CHD9: variants seen among roughly 807,000 people sequenced by gnomAD.
The protein encoded by CHD9 is chromodomain helicase DNA binding protein 9.
Under a neutral mutation model 316.1 loss-of-function variants are expected in CHD9, and 77 were observed. That is an observed-to-expected ratio of 0.24 (90% CI 0.20 to 0.29). The LOEUF is 0.29. Ranked by LOEUF, CHD9 falls within the 10% of genes least tolerant of loss-of-function variation. CHD9 has a pLI of 1.00. For synonymous variants in CHD9, 1,129 were observed against 1,158.3 expected (o/e 0.97, Z 0.51); for missense variants, 2,763 against 3,438.1 (o/e 0.80, Z 4.91).
rs867554879 is a variant in CHD9 at position 53,081,767 on chromosome 16, T to A, written c.-165+26690T>A. 1.1e-3 allele frequency among the ~76,000 whole-genome samples: 73 copies of A among 64,050 alleles called. 1 individual carries two copies. The highest frequency in any genetic ancestry group is 6.6e-3 in the Middle Eastern group (1 of 152). 42.0% of individuals were successfully genotyped at this position (64,050 alleles called of 152,430 possible). A position where few individuals can be genotyped will look rare whatever the true frequency, so the allele number is the denominator to read the frequency against. ...CATGCTTGGCTAATTAAAAAAAAAT[T>A]TTTTTTTGTAGAGATGGTGTTTCAC... On this transcript the variant is annotated intron_variant, in intron 1 of 38. Transcript: ENST00000447540.
At chr16:53,130,588 G>A (rs2039190489) in intron 1 of CHD9, among the ~76,000 whole-genome samples, 1 of 150,192 alleles carries the variant, frequency 6.7e-6, no homozygotes, top group South Asian at 2.1e-4. Context: ...CCCGCGCTCC[G>A]GCCAGAGGGC....
At chr16:53,134,681 A>C (rs1212911650) in intron 1 of CHD9, among the ~76,000 whole-genome samples, 1 of 152,204 alleles carries the variant, frequency 6.6e-6, no homozygotes, top group East Asian at 1.9e-4. Context: ...TTCAGAAACA[A>C]TTTTTATTCC....
At chr16:53,318,642 A>G (rs2057052652) in intron 37 of CHD9, among the ~76,000 whole-genome samples, 1 of 152,176 alleles carries the variant, frequency 6.6e-6, no homozygotes, top group African/African-American at 2.4e-5. Context: ...CATCGGGGTG[A>G]TTTCACCTCT....
chr16:53,307,998 G>C, intron 33 of CHD9, 45 bp downstream of exon 33: 1 of 1,504,662 alleles, frequency 6.6e-7, no homozygotes, highest in Non-Finnish European at 8.9e-7. Flanking sequence ...CGATTGCGGT[G>C]TGCAGCATGC....
intron 2 of CHD9, among the ~76,000 whole-genome samples, chr16:53,189,492 C>T (rs1352038492): frequency 1.3e-5 from 2 of 151,748 alleles, no homozygotes; most frequent in Admixed American, 6.6e-5. Context: ...GCCTTGCACT[C>T]CTAAAATAAA....
chr16:53,262,110 T>C (rs1354041994), intron 19 of CHD9, among the ~76,000 whole-genome samples: 1 of 152,168 alleles, frequency 6.6e-6, no homozygotes, highest in East Asian at 1.9e-4. Flanking sequence ...ACCACTAGTC[T>C]CCTTTGAAAA....
intron 1 of CHD9, among the ~76,000 whole-genome samples, chr16:53,087,824 C>T (rs1051344912): frequency 1.3e-5 from 2 of 151,790 alleles, no homozygotes; most frequent in Admixed American, 6.6e-5. Flanking sequence ...CGTGGGCGCC[C>T]ATAATCCCAG....
At chr16:53,230,765 A>C (rs2048097743) in intron 8 of CHD9, among the ~76,000 whole-genome samples, 1 of 139,472 alleles carries the variant, frequency 7.2e-6, no homozygotes, top group South Asian at 2.2e-4. Context: ...TCAAGTAAGA[A>C]GTGAGGATGA....
intron 3 of CHD9, among the ~76,000 whole-genome samples, chr16:53,219,589 A>G (rs1391563202): frequency 2.6e-5 from 4 of 152,188 alleles, no homozygotes; most frequent in African/African-American, 9.7e-5. Flanking sequence ...GAGCCAAGAA[A>G]GGGGCCAAAA....
chr16:53,087,679 G>A (rs2035577465), intron 1 of CHD9, among the ~76,000 whole-genome samples: 1 of 152,188 alleles, frequency 6.6e-6, no homozygotes, highest in South Asian at 2.1e-4. Flanking sequence ...TGGACACAGT[G>A]GCTCATGCCT....
At chr16:53,144,130 A>G (rs181931128) in intron 1 of CHD9, among the ~76,000 whole-genome samples, 8 of 152,298 alleles carry the variant, frequency 5.3e-5, no homozygotes, top group Non-Finnish European at 8.8e-5. Flanking sequence ...TCTTGCATTT[A>G]TTCTGTAATC....
In CHD9 at chr16:53,082,807, C is replaced by CAG. The variant is rs1279277379; in HGVS notation, c.-165+27732_-165+27733dup. 2.0e-5 allele frequency among the ~76,000 whole-genome samples: 3 copies of CAG among 152,206 alleles called. No individual in the cohort carries two copies. The East Asian group carries it at 5.8e-4, about 29-fold the overall frequency. On this transcript the variant is annotated intron_variant, in intron 1 of 38. Coordinates refer to ENST00000447540, the MANE Select transcript of CHD9 (RefSeq NM_001308319.2). ...ACCCGTCCAATTCCAGCACATCCTT[C>CAG]AGATCCCAGGTTAGACTCCCTTCTT...
At chr16:53,160,562 C>G (rs1258899346) in intron 2 of CHD9, among the ~76,000 whole-genome samples, 1 of 151,458 alleles carries the variant, frequency 6.6e-6, no homozygotes, top group African/African-American at 2.4e-5. Flanking sequence ...TTTCACATGT[C>G]CAAAAACTGA....
chr16:53,302,675 TTCTC>T (rs2055554606), intron 30 of CHD9, among the ~76,000 whole-genome samples: 1 of 152,176 alleles, frequency 6.6e-6, no homozygotes, highest in Non-Finnish European at 1.5e-5. Flanking sequence ...GGATGTTTCA[TTCTC>T]TCTCATCTAT....
At chr16:53,247,167 A>T in intron 15 of CHD9, 126 bp from the exon 16 acceptor site, 2 of 659,146 alleles carry the variant, frequency 3.0e-6, no homozygotes, top group Non-Finnish European at 5.2e-6. Flanking sequence ...AATAAAAGCA[A>T]TGTACATGCC....
intron 1 of CHD9, among the ~76,000 whole-genome samples, chr16:53,139,084 TTCTTC>T (rs1358001955): frequency 6.6e-6 from 1 of 152,136 alleles, no homozygotes; most frequent in Non-Finnish European, 1.5e-5. Context: ...GAGCCATGTT[TTCTTC>T]TCTTAAGAAT....
intron 1 of CHD9, among the ~76,000 whole-genome samples, chr16:53,096,385 T>C (rs2036382093): frequency 6.6e-6 from 1 of 152,170 alleles, no homozygotes; most frequent in Non-Finnish European, 1.5e-5. Context: ...GGTGCAAAAA[T>C]AATTGCGATT....
At chr16:53,295,461 A>G (rs1473723797) in intron 29 of CHD9, among the ~76,000 whole-genome samples, 1 of 152,142 alleles carries the variant, frequency 6.6e-6, no homozygotes, top group Non-Finnish European at 1.5e-5. Context: ...TCTAGCTCAC[A>G]GTATTCTATT....
At chr16:53,207,643 A>G (rs2045989199) in intron 2 of CHD9, among the ~76,000 whole-genome samples, 1 of 151,264 alleles carries the variant, frequency 6.6e-6, no homozygotes, top group Non-Finnish European at 1.5e-5. Flanking sequence ...CCCTTTGCTA[A>G]TCTTCAGCTA....
Sources: gnomAD v4.1 joint callset for allele counts (sites outside exome capture counted in the v4.1 genomes callset) on GRCh38, gnomAD v4.1.1 for gene constraint, MANE v1.5 for transcripts, NCBI Gene and HGNC (gene_info 2026-07-23, HGNC 2026-07-21) for gene names.